Variants in RGS7 observed in about 807,000 individuals in gnomAD.
RGS7 encodes the protein regulator of G protein signaling 7, also known as regulator of G-protein signaling 7.
In RGS7, 27 loss-of-function variants were observed where a neutral mutation model predicts 81.1. The ratio of observed to expected loss-of-function variants is 0.33; its 90% confidence interval spans 0.25 to 0.46. The LOEUF (loss-of-function observed/expected upper bound fraction) is 0.46. Ranked by LOEUF, RGS7 falls within the 20% of genes least tolerant of loss-of-function variation. The probability of loss-of-function intolerance (pLI) is 1.00; values close to 1 mark genes in which losing one functional copy is unlikely to be tolerated. For missense variants in RGS7, 396 were observed against 607.4 expected, an observed-to-expected ratio of 0.65 and a Z score of 3.66; for synonymous variants, 208 against 207.7, an observed-to-expected ratio of 1.00 and a Z score of -0.01.
chr1:240,834,992 C>G (rs988390376), intron 9 of RGS7, among the ~76,000 whole-genome samples: 2 of 150,544 alleles, frequency 1.3e-5, no homozygotes, highest in Admixed American at 1.3e-4. Flanking sequence ...ATGTAAAATG[C>G]TAAATTATAA....
At chr1:240,977,290 A>C (rs961789560) in intron 4 of RGS7, among the ~76,000 whole-genome samples, 2 of 152,296 alleles carry the variant, frequency 1.3e-5, no homozygotes, top group South Asian at 2.1e-4. Context: ...TATGAAATCA[A>C]AGTAGCCATT....
chr1:240,834,863 A>G (rs952371592), intron 9 of RGS7, among the ~76,000 whole-genome samples: 2 of 151,902 alleles, frequency 1.3e-5, no homozygotes, highest in Non-Finnish European at 2.9e-5. Flanking sequence ...AGTTTTAAAC[A>G]GGAGAGTGAC....
intron 3 of RGS7, among the ~76,000 whole-genome samples, chr1:241,089,617 C>T (rs1272936541): frequency 1.3e-5 from 2 of 152,070 alleles, no homozygotes; most frequent in African/African-American, 4.8e-5. Flanking sequence ...TTTTGTATAA[C>T]AAATATAATA....
intron 3 of RGS7, among the ~76,000 whole-genome samples, chr1:241,091,698 TAATGCAGTGAGAC>T (rs2063896341): frequency 6.6e-6 from 1 of 152,026 alleles, no homozygotes; most frequent in South Asian, 2.1e-4. Flanking sequence ...CTAGCCTGGG[TAATGCAGTGAGAC>T]CCTATCACTA....
At chr1:241,304,442 G>A (rs781209226) in intron 2 of RGS7, among the ~76,000 whole-genome samples, 3 of 152,206 alleles carry the variant, frequency 2.0e-5, no homozygotes, top group Non-Finnish European at 4.4e-5. Context: ...CAGCAGTTGT[G>A]AGTGTACTGG....
At chr1:240,961,001 T>C (rs1372986643) in intron 4 of RGS7, among the ~76,000 whole-genome samples, 1 of 152,126 alleles carries the variant, frequency 6.6e-6, no homozygotes, top group Admixed American at 6.6e-5. Flanking sequence ...GAAAGTGGGA[T>C]AAAAGGACAA....
At chr1:241,314,574 C>T (rs567005362) in intron 2 of RGS7, among the ~76,000 whole-genome samples, 1 of 152,326 alleles carries the variant, frequency 6.6e-6, no homozygotes, top group East Asian at 1.9e-4. Context: ...TCAAGGTGAT[C>T]TGGAACCAAA....
At chr1:241,237,078 G>A (rs1412967055) in intron 2 of RGS7, among the ~76,000 whole-genome samples, 1 of 152,186 alleles carries the variant, frequency 6.6e-6, no homozygotes, top group Non-Finnish European at 1.5e-5. Flanking sequence ...AGGTGATTGT[G>A]CAAGCCAGAG....
chr1:241,046,670 A>G (rs1367100689), intron 3 of RGS7, among the ~76,000 whole-genome samples: 2 of 152,184 alleles, frequency 1.3e-5, no homozygotes, highest in Non-Finnish European at 2.9e-5. Context: ...TGACTCTCTC[A>G]TGGGCAGGAA....
chr1:241,205,380 G>A (rs2147880428), intron 2 of RGS7, among the ~76,000 whole-genome samples: 1 of 151,020 alleles, frequency 6.6e-6, no homozygotes, highest in East Asian at 2.0e-4. Context: ...GTAACCGACT[G>A]CATTTGTCAT....
chr1:241,341,177 C>A (rs928643607), intron 2 of RGS7, among the ~76,000 whole-genome samples: 1 of 152,126 alleles, frequency 6.6e-6, no homozygotes, highest in Non-Finnish European at 1.5e-5. Flanking sequence ...TGAATTTGAT[C>A]CTTACAACAC....
At chr1:241,159,481 C>CCCTT (rs59437050) in intron 2 of RGS7, among the ~76,000 whole-genome samples, 2,040 of 152,114 alleles carry the variant, frequency 0.013, 29 homozygotes, top group African/African-American at 0.046. Context: ...GGAAATATAG[C>CCCTT]CCTTCCTTCC....
Position 240,827,878 on chromosome 1 carries a change from A to C in RGS7, c.610-706T>G, listed in dbSNP as rs554844013. Reference sequence around the variant, plus strand: ...AAACTCCATTGCAAAAAAAAAAAAAAAAAAAAAAAACAGGCTGTTATTAGA... The same window carrying C: ...AAACTCCATTGCAAAAAAAAAAAAACAAAAAAAAAACAGGCTGTTATTAGA... On this transcript the variant is annotated intron_variant, in intron 9 of 18. Coordinates refer to ENST00000440928, the MANE Select transcript of RGS7 (RefSeq NM_001364886.1). Among the ~76,000 whole-genome samples the C allele has an allele frequency of 2.5e-4, 38 of 151,362 alleles. 1 individual carries two copies. Among genetic ancestry groups the C allele is most frequent in the Middle Eastern group, 3.4e-3 (1 of 292 alleles).
intron 3 of RGS7, among the ~76,000 whole-genome samples, chr1:241,070,116 G>A (rs1397580999): frequency 6.6e-6 from 1 of 152,190 alleles, no homozygotes; most frequent in Non-Finnish European, 1.5e-5. Context: ...ATCCACACTT[G>A]TGCTCTGATG....
intron 4 of RGS7, among the ~76,000 whole-genome samples, chr1:240,960,601 A>C (rs1425865586): frequency 6.7e-6 from 1 of 148,906 alleles, no homozygotes; most frequent in African/African-American, 2.5e-5. Flanking sequence ...TTAAAAGCCA[A>C]GTGAAAACCT....
In RGS7 at chr1:241,323,241, A is replaced by G. The variant is rs77008552; in HGVS notation, c.78+32458T>C. Reference sequence around the variant, plus strand: ...TTTTTGTGGCTATAAGTGCCAATGAATATATCAAGTTCTAAATAATATGCA... The same window carrying G: ...TTTTTGTGGCTATAAGTGCCAATGAGTATATCAAGTTCTAAATAATATGCA... On this transcript the variant is annotated intron_variant, in intron 2 of 18. Transcript: ENST00000440928. 3.3e-3 allele frequency among the ~76,000 whole-genome samples: 502 copies of G among 152,388 alleles called. 1 individual carries two copies. The highest frequency in any genetic ancestry group is 0.01 in the Middle Eastern group (3 of 294).
At chr1:241,063,284 T>C (rs373014119) in intron 3 of RGS7, among the ~76,000 whole-genome samples, 5 of 152,210 alleles carry the variant, frequency 3.3e-5, no homozygotes, top group African/African-American at 1.2e-4. Context: ...ACTATAATGC[T>C]GCAGTCTAAG....
intron 2 of RGS7, among the ~76,000 whole-genome samples, chr1:241,255,620 A>G (rs1039264630): frequency 3.3e-5 from 5 of 152,320 alleles, no homozygotes; most frequent in South Asian, 2.1e-4. Flanking sequence ...TCCTGGTTGA[A>G]GCAGACAGGG....
intron 2 of RGS7, among the ~76,000 whole-genome samples, chr1:241,112,300 G>T (rs1345137749): frequency 6.6e-6 from 1 of 152,100 alleles, no homozygotes; most frequent in Non-Finnish European, 1.5e-5. Context: ...CTCTGGGATG[G>T]TCTTAGTAGA....
Sources: gnomAD v4.1 joint callset for allele counts (sites outside exome capture counted in the v4.1 genomes callset) on GRCh38, gnomAD v4.1.1 for gene constraint, MANE v1.5 for transcripts, NCBI Gene and HGNC (gene_info 2026-07-23, HGNC 2026-07-21) for gene names.